RNF8: variants seen among roughly 807,000 people sequenced by gnomAD.
The protein encoded by RNF8 is E3 ubiquitin-protein ligase RNF8.
In RNF8, 8 loss-of-function variants were observed where a neutral mutation model predicts 59.3. The observed-to-expected ratio is 0.13, with a 90% CI of 0.08 to 0.24. RNF8 has a LOEUF of 0.24. Among genes scored for constraint, RNF8 ranks in the 10% least tolerant of loss-of-function variants. RNF8 has a pLI of 1.00. For synonymous variants in RNF8, 162 were observed against 200.0 expected, an observed-to-expected ratio of 0.81 and a Z score of 1.60; for missense variants, 406 against 572.6, an observed-to-expected ratio of 0.71 and a Z score of 2.97.
intron 2 of RNF8, chr6:37,361,386 G>A: frequency 2.2e-6 from 1 of 456,420 alleles, no homozygotes; most frequent in Non-Finnish European, 4.4e-6. Flanking sequence ...AGGTTGGAAG[G>A]AGGGCAGGTC....
At chr6:37,364,502 T>TA (rs1247078314) in intron 2 of RNF8, among the ~76,000 whole-genome samples, 1 of 152,192 alleles carries the variant, frequency 6.6e-6, no homozygotes, top group Non-Finnish European at 1.5e-5. Context: ...GTAAAGACTT[T>TA]AAAAAATATA....
Position 37,360,807 on chromosome 6 carries a change from A to G in RNF8, c.240+233A>G, listed in dbSNP as rs1769287903. On this transcript the variant is annotated intron_variant, in intron 2 of 7. Coordinates refer to ENST00000373479, the MANE Select transcript of RNF8 (RefSeq NM_003958.4). The surrounding 1 kb of genome is among the most constrained non-coding windows in gnomAD (Gnocchi z 4.2). ...TTGTTAACTTGAAGAGAATACCTGA[A>G]TTGGGGTAGTAGGTCCTATTCCAGA... Among the ~76,000 whole-genome samples, 1 of 152,122 alleles carries G rather than the reference A, an allele frequency of 6.6e-6. No individual in the cohort carries two copies. Among genetic ancestry groups the G allele is most frequent in the Admixed American group, 6.5e-5 (1 of 15,274 alleles).
At position 37,354,100 on chromosome 6, in the gene RNF8, A is replaced by G. The variant is rs1769015796; in HGVS notation, c.-65A>G. The G allele has an allele frequency of 3.8e-6, 5 of 1,329,030 alleles. No individual in the cohort carries two copies. The highest frequency in any genetic ancestry group is 2.0e-5 in the Admixed American group (1 of 50,624). 82.3% of individuals were successfully genotyped at this position (1,329,030 alleles called of 1,614,324 possible). ...AGATATGGAAGCTGAGGGGATGCAC[A>G]GAGGCAGCCAGAACCTAGGTCAGGG... On this transcript the variant is annotated 5_prime_UTR_variant, in exon 1 of 8. Transcript: ENST00000373479.
At chr6:37,384,202 G>A (rs1293332123) in intron 7 of RNF8, among the ~76,000 whole-genome samples, 4 of 149,486 alleles carry the variant, frequency 2.7e-5, no homozygotes, top group East Asian at 3.9e-4. Flanking sequence ...GTTTAATGGC[G>A]CAATTTTGGC....
chr6:37,371,637 A>G lies in RNF8; in HGVS notation c.1038+63A>G, dbSNP rs1581680865. 2.9e-6 allele frequency: 4 copies of G among 1,358,940 alleles called. No homozygotes were observed. In the African/African-American group the frequency reaches 4.3e-5, roughly 15 times the overall value. The allele number at this position is 1,358,940 out of a possible 1,614,324, so 84.2% of individuals were successfully genotyped here. On this transcript the variant is annotated intron_variant, in intron 4 of 7. Transcript: ENST00000373479. ...GGAGTGGGGAGCAAACAGGCATCAC[A>G]TGACCACTGGCTGCCTCTGCTGCTT...
intron 4 of RNF8, among the ~76,000 whole-genome samples, chr6:37,372,374 C>G (rs1448882891): frequency 6.6e-6 from 1 of 152,170 alleles, no homozygotes; most frequent in Non-Finnish European, 1.5e-5. Context: ...GGGTGCCTGC[C>G]TTGATCTCCT....
chr6:37,365,811 T>C lies in RNF8; in HGVS notation c.241-2673T>C, dbSNP rs74786432. Among the ~76,000 whole-genome samples, 23 of 152,334 alleles carry C rather than the reference T, an allele frequency of 1.5e-4. 1 individual carries two copies. The East Asian group carries it at 3.7e-3, about 24-fold the overall frequency. Reference sequence around the variant, plus strand: ...GAAAGCCTTGAACAGAGCATGATTATTTAAGCCATTGTATTTGAGATCATA... The same window carrying C: ...GAAAGCCTTGAACAGAGCATGATTACTTAAGCCATTGTATTTGAGATCATA... On this transcript the variant is annotated intron_variant, in intron 2 of 7. Transcript: ENST00000373479.
rs1487976830 is a variant in RNF8, at chr6:37,393,043, G to C, written c.*2285G>C. The C allele has an allele frequency of 6.2e-6, 1 of 162,130 alleles. No individual in the cohort carries two copies. The highest frequency in any genetic ancestry group is 1.3e-5 in the Non-Finnish European group (1 of 75,058). The allele number at this position is 162,130 out of a possible 1,614,324, so 10.0% of individuals were successfully genotyped here. Reference sequence around the variant, plus strand: ...TTCCATCCCACAGCTGCTGGACATAGAGTGATTTGCAGCCCCTCCTTTCAG... The same window carrying C: ...TTCCATCCCACAGCTGCTGGACATACAGTGATTTGCAGCCCCTCCTTTCAG... On this transcript the variant is annotated 3_prime_UTR_variant, in exon 8 of 8. Coordinates refer to ENST00000373479, the MANE Select transcript of RNF8 (RefSeq NM_003958.4).
chr6:37,388,748 G>A (rs1183688532), intron 7 of RNF8, among the ~76,000 whole-genome samples: 1 of 151,204 alleles, frequency 6.6e-6, no homozygotes, highest in Non-Finnish European at 1.5e-5. Context: ...AGACCAGCCT[G>A]GGCAACATAG....
chr6:37,379,080 A>G (rs1022665341), intron 6 of RNF8, among the ~76,000 whole-genome samples: 7 of 152,090 alleles, frequency 4.6e-5, no homozygotes, highest in African/African-American at 1.7e-4. Context: ...GCAGTGGCGC[A>G]ATCTCGGCTC....
At chr6:37,365,138 C>T (rs557132105) in intron 2 of RNF8, among the ~76,000 whole-genome samples, 26 of 152,292 alleles carry the variant, frequency 1.7e-4, no homozygotes, top group Non-Finnish European at 3.2e-4. Context: ...AAACTGTGCT[C>T]CACCCCTACT....
Position 37,394,175 on chromosome 6 carries a change from G to A in RNF8, c.*3417G>A, listed in dbSNP as rs1441465270. ...GGAATTGTTATCTGTCTCTTGCTCT[G>A]AGATACAGACTTGTTCATAGGTGTG... On this transcript the variant is annotated 3_prime_UTR_variant, in exon 8 of 8. Coordinates refer to ENST00000373479, the MANE Select transcript of RNF8 (RefSeq NM_003958.4). The A allele has an allele frequency of 6.6e-6, 1 of 152,182 alleles. No individual in the cohort carries two copies. 9.4% of individuals were successfully genotyped at this position (152,182 alleles called of 1,614,324 possible). A position where few individuals can be genotyped will look rare whatever the true frequency, so the allele number is the denominator to read the frequency against.
At chr6:37,365,136 C>A (rs1382219124) in intron 2 of RNF8, among the ~76,000 whole-genome samples, 1 of 152,164 alleles carries the variant, frequency 6.6e-6, no homozygotes, top group Non-Finnish European at 1.5e-5. Flanking sequence ...ATAAACTGTG[C>A]TCCACCCCTA....
chr6:37,386,269 A>G (rs1429706644), intron 7 of RNF8, among the ~76,000 whole-genome samples: 6 of 152,214 alleles, frequency 3.9e-5, no homozygotes, highest in African/African-American at 1.4e-4. Context: ...TGTATGGAGT[A>G]GCAACCCAGG....
intron 4 of RNF8, 39 bp from the exon 5 acceptor site, chr6:37,374,580 TG>T: frequency 6.9e-7 from 1 of 1,454,250 alleles, no homozygotes; most frequent in Non-Finnish European, 9.7e-7. Flanking sequence ...AAGGATGCAT[TG>T]TAGTTCATCC....
intron 1 of RNF8, among the ~76,000 whole-genome samples, chr6:37,355,608 A>C (rs1407039908): frequency 2.6e-5 from 4 of 152,190 alleles, no homozygotes; most frequent in Non-Finnish European, 5.9e-5. Flanking sequence ...AAGTCAGAGG[A>C]GGAATTCATG....
intron 1 of RNF8, chr6:37,359,343 G>A: frequency 2.8e-6 from 1 of 354,926 alleles, no homozygotes; most frequent in South Asian, 2.3e-5. Context: ...CTGGCTGAAG[G>A]TATATCCAGA....
rs148771148 is a variant in RNF8 at position 37,360,487 on chromosome 6, A to G, written c.153A>G (p.Val51=). 1.2e-6 allele frequency: 2 copies of G among 1,614,104 alleles called. No individual in the cohort carries two copies. Among genetic ancestry groups the G allele is most frequent in the Non-Finnish European group, 8.5e-7 (1 of 1,179,968 alleles). ...GRGFGVTYQL[V]SKICPLMISR... ...GATTTGGTGTCACATACCAACTGGT[A>G]TCAAAAATCTGCCCCCTGATGATTT... The change falls in exon 2 of 8, where the codon GTA becomes GTG. Residue 51 remains valine, a synonymous_variant. Transcript: ENST00000373479. This position sits in a 1 kb window ranked among gnomAD's most constrained non-coding sequence, Gnocchi z 4.2.
At chr6:37,370,142 G>A (rs2113822655) in intron 3 of RNF8, 1 of 152,272 alleles carries the variant, frequency 6.6e-6, no homozygotes, top group African/African-American at 2.4e-5. Flanking sequence ...CTTTTTGTTT[G>A]GGTTGCTCAG....
Sources: gnomAD v4.1 joint callset for allele counts (sites outside exome capture counted in the v4.1 genomes callset) on GRCh38, gnomAD v4.1.1 for gene constraint, Gnocchi (gnomAD v3.1) non-coding constraint, MANE v1.5 for transcripts, NCBI Gene and HGNC (gene_info 2026-07-23, HGNC 2026-07-21) for gene names.